Variants in ENTREP1 observed in about 807,000 individuals in gnomAD.
ENTREP1 encodes Friedreich ataxia region gene X123.
At chr9:69,374,200 C>T in the ENTREP1 span, among the ~76,000 whole-genome samples, 7 of 152,012 alleles carry the variant, frequency 4.6e-5, no homozygotes, top group Non-Finnish European at 7.4e-5. Flanking sequence ...TTGTTTGTTC[C>T]TTTTTTCAGG....
At chr9:69,357,906 TG>T in the ENTREP1 span, among the ~76,000 whole-genome samples, 1 of 152,182 alleles carries the variant, frequency 6.6e-6, no homozygotes, top group Non-Finnish European at 1.5e-5. Flanking sequence ...TATATTGAAA[TG>T]CTTCCCCAAA....
chr9:69,345,539 C>A, the ENTREP1 span, among the ~76,000 whole-genome samples: 3,205 of 152,162 alleles, frequency 0.021, 48 homozygotes, highest in Middle Eastern at 0.068. Context: ...TAGTAAGTGC[C>A]TTTTAAGAGG....
the ENTREP1 span, among the ~76,000 whole-genome samples, chr9:69,357,654 C>T: frequency 6.6e-6 from 1 of 152,076 alleles, no homozygotes; most frequent in Non-Finnish European, 1.5e-5. Context: ...GGTGCACAGG[C>T]AAACCAAGTC....
chr9:69,377,559 C>T, the ENTREP1 span: 1 of 1,612,686 alleles, frequency 6.2e-7, no homozygotes, highest in South Asian at 1.1e-5. Context: ...TGCCTCTCTC[C>T]CCGTGCCTTT....
the ENTREP1 span, among the ~76,000 whole-genome samples, chr9:69,340,229 A>G: frequency 1.3e-5 from 2 of 152,154 alleles, no homozygotes; most frequent in African/African-American, 4.8e-5. Flanking sequence ...GAGGGGAAGG[A>G]TGCTCTTTTT....
chr9:69,373,491 A>AT, the ENTREP1 span, among the ~76,000 whole-genome samples: 1 of 152,058 alleles, frequency 6.6e-6, no homozygotes, highest in East Asian at 1.9e-4. Context: ...TAAATGAGGT[A>AT]TATTGTATGT....
At chr9:69,340,789 ATGTGTGTGTGCATGTGTGTGTGTATG>A in the ENTREP1 span, among the ~76,000 whole-genome samples, 1 of 126,666 alleles carries the variant, frequency 7.9e-6, no homozygotes, top group African/African-American at 3.1e-5. Context: ...GTGTGTGTGC[ATGTGTGTGTGCATGTGTGTGTGTATG>A]TGTGTGTGTG....
At chr9:69,364,358 G>A in the ENTREP1 span, among the ~76,000 whole-genome samples, 2 of 150,224 alleles carry the variant, frequency 1.3e-5, no homozygotes, top group South Asian at 4.3e-4. Context: ...TCAGATTTGA[G>A]TTTCAAGAGA....
At chr9:69,324,954 G>A in the ENTREP1 span, 1 of 985,106 alleles carries the variant, frequency 1.0e-6, no homozygotes, top group Non-Finnish European at 1.2e-6. Flanking sequence ...AATATTTGGG[G>A]CAGGGCACCC....
the ENTREP1 span, among the ~76,000 whole-genome samples, chr9:69,332,243 A>C: frequency 6.6e-6 from 1 of 152,226 alleles, no homozygotes. Flanking sequence ...AAGTTGAATA[A>C]AAGTAGGTGT....
chr9:69,343,020 C>T, the ENTREP1 span, among the ~76,000 whole-genome samples: 6 of 152,180 alleles, frequency 3.9e-5, no homozygotes, highest in South Asian at 1.2e-3. Context: ...CTGACCTAAG[C>T]CAATTTGGGT....
At chr9:69,358,500 C>T in the ENTREP1 span, among the ~76,000 whole-genome samples, 5 of 151,988 alleles carry the variant, frequency 3.3e-5, no homozygotes, top group Non-Finnish European at 7.4e-5. Context: ...TGGAGAAAAG[C>T]ATTTTTTAAC....
At chr9:69,332,688 T>A in the ENTREP1 span, among the ~76,000 whole-genome samples, 1 of 152,364 alleles carries the variant, frequency 6.6e-6, no homozygotes, top group Admixed American at 6.5e-5. Context: ...GAAATAAAGA[T>A]AGCTTAGTTC....
the ENTREP1 span, among the ~76,000 whole-genome samples, chr9:69,374,236 C>G: frequency 6.6e-6 from 1 of 151,798 alleles, no homozygotes; most frequent in African/African-American, 2.4e-5. Context: ...ATAAAAATAC[C>G]AGAATTTTTT....
the ENTREP1 span, among the ~76,000 whole-genome samples, chr9:69,366,514 C>T: frequency 6.6e-6 from 1 of 151,290 alleles, no homozygotes; most frequent in Non-Finnish European, 1.5e-5. Flanking sequence ...TGATTGTTTC[C>T]TTGGCTTCAC....
the ENTREP1 span, among the ~76,000 whole-genome samples, chr9:69,335,267 A>T: frequency 1.3e-5 from 2 of 152,196 alleles, no homozygotes; most frequent in African/African-American, 4.8e-5. Context: ...ATTCAGAGAC[A>T]CATCCCTCAA....
At chr9:69,375,905 C>G in the ENTREP1 span, 8 of 1,581,218 alleles carry the variant, frequency 5.1e-6, no homozygotes, top group Admixed American at 1.2e-4. Flanking sequence ...AAATACACCA[C>G]GGAGCCCCCA....
the ENTREP1 span, among the ~76,000 whole-genome samples, chr9:69,331,643 T>G: frequency 2.3e-3 from 352 of 152,332 alleles, 2 homozygotes; most frequent in African/African-American, 8.1e-3. Context: ...TTTTTGTTGC[T>G]GCTGTACTCT....
chr9:69,325,105 G>GGCGGCAGGTGGGT, the ENTREP1 span: 2 of 985,426 alleles, frequency 2.0e-6, no homozygotes, highest in Non-Finnish European at 1.2e-6. Context: ...GGACCCGCCA[G>GGCGGCAGGTGGGT]GCGGCAGGTG....
Sources: allele counts gnomAD v4.1 joint callset (sites outside exome capture counted in the v4.1 genomes callset), GRCh38; gene constraint gnomAD v4.1.1; transcripts MANE v1.5; gene names NCBI Gene and HGNC (gene_info 2026-07-23, HGNC 2026-07-21).